Variants in OPCML observed in about 807,000 individuals in gnomAD.
OPCML encodes opioid binding protein/cell adhesion molecule like.
OPCML carries 13 observed loss-of-function variants against 37.8 expected under a neutral mutation model. That is an observed-to-expected ratio of 0.34 (90% CI 0.22 to 0.55). The LOEUF is 0.55. OPCML is among the 20% of genes least tolerant of loss of function. OPCML has a pLI of 0.91. For synonymous variants in OPCML, 176 were observed against 168.8 expected, an observed-to-expected ratio of 1.04 and a Z score of -0.33; for missense variants, 341 against 435.6, an observed-to-expected ratio of 0.78 and a Z score of 1.93.
intron 1 of OPCML, among the ~76,000 whole-genome samples, chr11:133,168,406 A>C (rs1229221896): frequency 6.6e-6 from 1 of 152,160 alleles, no homozygotes. Flanking sequence ...TTTTCTTCTG[A>C]CTAGATGGTC....
intron 1 of OPCML, among the ~76,000 whole-genome samples, chr11:133,304,472 G>A (rs1942861166): frequency 6.6e-6 from 1 of 152,192 alleles, no homozygotes; most frequent in Non-Finnish European, 1.5e-5. Context: ...AGATGCAAAA[G>A]CAATGCCAGA....
At chr11:132,481,467 A>G (rs1592241807) in intron 4 of OPCML, among the ~76,000 whole-genome samples, 1 of 150,520 alleles carries the variant, frequency 6.6e-6, no homozygotes, top group African/African-American at 2.5e-5. Flanking sequence ...CACATTAATA[A>G]TGGGAGACTT....
intron 1 of OPCML, among the ~76,000 whole-genome samples, chr11:133,182,826 A>G (rs1443969831): frequency 6.6e-6 from 1 of 152,196 alleles, no homozygotes; most frequent in Non-Finnish European, 1.5e-5. Context: ...GTGCATATAT[A>G]TGATGGCTGC....
chr11:133,148,782 A>C (rs76978154), intron 1 of OPCML, among the ~76,000 whole-genome samples: 1 of 152,008 alleles, frequency 6.6e-6, no homozygotes, highest in East Asian at 1.9e-4. Flanking sequence ...GAGAGACCCA[A>C]CTCAGATTCT....
At chr11:133,415,267 C>T (rs970712721) in intron 1 of OPCML, among the ~76,000 whole-genome samples, 15 of 151,758 alleles carry the variant, frequency 9.9e-5, no homozygotes, top group East Asian at 3.9e-4. Context: ...AAAATTAGCC[C>T]GGCGTGGTGG....
chr11:132,874,799 G>A (rs1332388557), intron 2 of OPCML, among the ~76,000 whole-genome samples: 1 of 152,106 alleles, frequency 6.6e-6, no homozygotes, highest in African/African-American at 2.4e-5. Flanking sequence ...TGGAGAATAG[G>A]AGCAGGCAAG....
chr11:132,483,237 T>C (rs1321881372), intron 4 of OPCML, among the ~76,000 whole-genome samples: 6 of 148,854 alleles, frequency 4.0e-5, no homozygotes, highest in African/African-American at 1.5e-4. Context: ...GGGTACAAAA[T>C]CAATGTGCAA....
intron 1 of OPCML, among the ~76,000 whole-genome samples, chr11:133,060,787 A>AC (rs1183455955): frequency 6.6e-6 from 1 of 152,224 alleles, no homozygotes; most frequent in Non-Finnish European, 1.5e-5. Flanking sequence ...CCCCTGGCTA[A>AC]ACACTGCTGA....
At chr11:132,715,215 T>G (rs1381055288) in intron 2 of OPCML, among the ~76,000 whole-genome samples, 1 of 152,222 alleles carries the variant, frequency 6.6e-6, no homozygotes, top group Non-Finnish European at 1.5e-5. Context: ...TCACTGGGAA[T>G]AGTTTAACTG....
intron 3 of OPCML, among the ~76,000 whole-genome samples, chr11:132,551,193 C>T (rs1351271084): frequency 6.6e-6 from 1 of 152,176 alleles, no homozygotes; most frequent in East Asian, 1.9e-4. Flanking sequence ...GCTGTCTGTG[C>T]CCCGATGTGA....
rs532174558 is a variant in OPCML at position 132,851,719 on chromosome 11, T to C, written c.146+91207A>G. Reference sequence around the variant, plus strand: ...TTCAAAAATCTATATGTGGGTACTATGATTTTCCCCAATTTATAGAAGAGA... The same window carrying C: ...TTCAAAAATCTATATGTGGGTACTACGATTTTCCCCAATTTATAGAAGAGA... On this transcript the variant is annotated intron_variant, in intron 2 of 7. Transcript: ENST00000524381. 6.6e-5 allele frequency among the ~76,000 whole-genome samples: 10 copies of C among 152,354 alleles called. No homozygotes were observed. In the East Asian group the frequency reaches 1.5e-3, roughly 24 times the overall value.
At chr11:132,435,246 C>T (rs2096009160) in intron 7 of OPCML, 2 of 1,289,508 alleles carry the variant, frequency 1.6e-6, no homozygotes. Flanking sequence ...ACATAGATCA[C>T]ACATTTCAGA....
At chr11:132,777,943 A>G (rs952426114) in intron 2 of OPCML, among the ~76,000 whole-genome samples, 1 of 152,134 alleles carries the variant, frequency 6.6e-6, no homozygotes, top group African/African-American at 2.4e-5. Flanking sequence ...TCATTTTTCC[A>G]TCTGGCATTC....
intron 3 of OPCML, among the ~76,000 whole-genome samples, chr11:132,541,516 ATTT>A (rs59821039): frequency 1.9e-4 from 27 of 143,536 alleles, no homozygotes; most frequent in African/African-American, 1.8e-4. Flanking sequence ...CTATATCCAG[ATTT>A]TTTTTTTTTT....
In OPCML at chr11:132,700,797, T is replaced by C. The variant is rs183827749; in HGVS notation, c.147-43478A>G. ...ATGTTCTGTATGTGTCTGTTAGGTC[T>C]ATTTTGGCTTACAGCGTTGTTAAAG... On this transcript the variant is annotated intron_variant, in intron 2 of 7. Coordinates refer to ENST00000524381, the MANE Select transcript of OPCML (RefSeq NM_001012393.5). Among the ~76,000 whole-genome samples the C allele has an allele frequency of 2.0e-3, 311 of 152,334 alleles. 1 individual carries two copies. The highest frequency in any genetic ancestry group is 7.0e-3 in the African/African-American group (293 of 41,596).
chr11:133,026,529 C>T (rs965989933), intron 1 of OPCML: 2 of 985,386 alleles, frequency 2.0e-6, no homozygotes, highest in South Asian at 4.7e-5. Context: ...CTTGTTTTCC[C>T]ATCTAGAAAT....
At chr11:133,388,142 G>A (rs529246938) in intron 1 of OPCML, among the ~76,000 whole-genome samples, 20 of 152,276 alleles carry the variant, frequency 1.3e-4, no homozygotes, top group African/African-American at 4.3e-4. Context: ...GAAGCCACCT[G>A]CCTAGGACCA....
intron 1 of OPCML, among the ~76,000 whole-genome samples, chr11:133,389,322 C>A (rs1041531532): frequency 6.6e-6 from 1 of 152,202 alleles, no homozygotes; most frequent in Non-Finnish European, 1.5e-5. Context: ...CTTCTCAAGG[C>A]TGACAAGTTT....
intron 3 of OPCML, among the ~76,000 whole-genome samples, chr11:132,557,847 C>T (rs562597073): frequency 3.3e-5 from 5 of 152,216 alleles, no homozygotes; most frequent in Non-Finnish European, 7.4e-5. Context: ...AGAAAAGGCT[C>T]TGCAGAAGAT....
Sources: gnomAD v4.1 joint callset for allele counts (sites outside exome capture counted in the v4.1 genomes callset) on GRCh38, gnomAD v4.1.1 for gene constraint, MANE v1.5 for transcripts, NCBI Gene and HGNC (gene_info 2026-07-23, HGNC 2026-07-21) for gene names.